PRR11: variants seen among roughly 807,000 people sequenced by gnomAD.
PRR11 encodes the protein proline-rich protein 11.
Under a neutral mutation model 45.6 loss-of-function variants are expected in PRR11, and 30 were observed. The observed-to-expected ratio is 0.66, with a 90% CI of 0.49 to 0.89. The LOEUF is 0.89. PRR11 is among the 40% of genes least tolerant of loss of function. The pLI is 0.00. For missense variants in PRR11, 373 were observed against 424.8 expected (o/e 0.88, Z 1.07); for synonymous variants, 128 against 153.5 (o/e 0.83, Z 1.23).
At chr17:59,199,957 C>T (rs4968331) in intron 9 of PRR11, among the ~76,000 whole-genome samples, 1 of 152,098 alleles carries the variant, frequency 6.6e-6, no homozygotes, top group Admixed American at 6.6e-5. Flanking sequence ...CGAGGCCTCA[C>T]GGGTCTTAGC....
At chr17:59,157,322 T>G (rs531999824) in intron 1 of PRR11, among the ~76,000 whole-genome samples, 19 of 152,224 alleles carry the variant, frequency 1.2e-4, no homozygotes, top group Admixed American at 1.2e-3. Context: ...AAGCAAAAAT[T>G]ACAATGAAAT....
chr17:59,169,616 A>C (rs1354293612), intron 1 of PRR11, 132 bp from the exon 2 acceptor site: 2 of 818,262 alleles, frequency 2.4e-6, no homozygotes, highest in East Asian at 5.6e-5. Context: ...GTAGTGACCT[A>C]TTTCTTAACC....
intron 4 of PRR11, among the ~76,000 whole-genome samples, chr17:59,190,900 G>A (rs2046837609): frequency 6.6e-6 from 1 of 152,192 alleles, no homozygotes; most frequent in African/African-American, 2.4e-5. Flanking sequence ...GGAAACCCAG[G>A]TGCTTTTATA....
In PRR11 at chr17:59,186,381, ATTTTTTTTT is replaced by A. The variant is rs59082405; in HGVS notation, c.402+844_402+852del. On this transcript the variant is annotated intron_variant, in intron 4 of 9. Transcript: ENST00000262293. ...AAAAAAATTTTGCCAGCTGTTTGTAATTTTTTTTTTTTTTTTTTTTTTTTTTTTTTTTTA... is the reference window on the plus strand; with the variant it reads ...AAAAAAATTTTGCCAGCTGTTTGTAATTTTTTTTTTTTTTTTTTTTTTTTA... 2.1e-4 allele frequency among the ~76,000 whole-genome samples: 18 copies of A among 84,666 alleles called. 2 individuals are homozygous for A. Among genetic ancestry groups the A allele is most frequent in the African/African-American group, 7.7e-4 (18 of 23,462 alleles). 55.5% of individuals were successfully genotyped at this position (84,666 alleles called of 152,430 possible).
At chr17:59,183,188 C>T (rs944863940) in intron 2 of PRR11, among the ~76,000 whole-genome samples, 1 of 152,144 alleles carries the variant, frequency 6.6e-6, no homozygotes, top group African/African-American at 2.4e-5. Flanking sequence ...GCCACTGTCC[C>T]AACCTCAGAC....
At chr17:59,196,274 C>T (rs1365686949) in intron 7 of PRR11, among the ~76,000 whole-genome samples, 3 of 152,090 alleles carry the variant, frequency 2.0e-5, no homozygotes, top group Non-Finnish European at 1.5e-5. Context: ...TATGATTATA[C>T]ACAGACAGAT....
At position 59,185,037 on chromosome 17, in the gene PRR11, T is replaced by C; in HGVS notation, c.129-17T>C. On this transcript the variant is annotated splice_polypyrimidine_tract_variant and intron_variant, in intron 2 of 9. Transcript: ENST00000262293. ...ACTTAGGGGTTTTTTATTTGTTTCA[T>C]TTTGTTTTTCCTACAGAGTCGGTAT... 6.2e-7 allele frequency: 1 copy of C among 1,609,432 alleles called. No homozygotes were observed. Among genetic ancestry groups the C allele is most frequent in the Non-Finnish European group, 8.5e-7 (1 of 1,177,200 alleles).
intron 2 of PRR11, among the ~76,000 whole-genome samples, chr17:59,173,190 G>T (rs1315430350): frequency 6.6e-6 from 1 of 152,172 alleles, no homozygotes; most frequent in Non-Finnish European, 1.5e-5. Context: ...CTCAGGGATT[G>T]TAAAGGCACC....
intron 7 of PRR11, among the ~76,000 whole-genome samples, chr17:59,196,629 G>A (rs1208328687): frequency 1.3e-5 from 2 of 151,980 alleles, no homozygotes; most frequent in South Asian, 2.1e-4. Flanking sequence ...CACCCCCCTC[G>A]GCCTCCTAAA....
chr17:59,198,820 G>C (rs1441794303), intron 9 of PRR11, among the ~76,000 whole-genome samples: 1 of 152,070 alleles, frequency 6.6e-6, no homozygotes. Flanking sequence ...CTGGGTGACG[G>C]AGTGAGACCC....
rs551686771 is a variant in PRR11 at position 59,177,149 on chromosome 17, G to C, written c.128+7269G>C. 76 of 551,048 alleles carry C rather than the reference G, an allele frequency of 1.4e-4. 1 individual carries two copies. In the East Asian group the frequency reaches 3.7e-3, roughly 27 times the overall value. The allele number at this position is 551,048 out of a possible 1,614,324, so 34.1% of individuals were successfully genotyped here. A position where few individuals can be genotyped will look rare whatever the true frequency, so the allele number is the denominator to read the frequency against. Reference sequence around the variant, plus strand: ...CCAGGGTATTGGATATTGACAGATAGGAGGAAGCAAACCACTCACAGAGCC... The same window carrying C: ...CCAGGGTATTGGATATTGACAGATACGAGGAAGCAAACCACTCACAGAGCC... On this transcript the variant is annotated intron_variant, in intron 2 of 9. Coordinates refer to ENST00000262293, the MANE Select transcript of PRR11 (RefSeq NM_018304.4).
At chr17:59,184,850 GTTTTTTTT>G (rs5821252) in intron 2 of PRR11, among the ~76,000 whole-genome samples, 196 bp from the exon 3 acceptor site, 9 of 72,706 alleles carry the variant, frequency 1.2e-4, no homozygotes, top group South Asian at 5.6e-4. Context: ...GCCTGATTAA[GTTTTTTTT>G]TTTTTTTTTT....
At chr17:59,179,857 G>T in intron 2 of PRR11, 1 of 1,343,854 alleles carries the variant, frequency 7.4e-7, no homozygotes, top group Non-Finnish European at 1.0e-6. Flanking sequence ...ACCCACACAG[G>T]GGGCTGGGAT....
At chr17:59,178,462 A>T (rs1193067911) in intron 2 of PRR11, 3 of 514,752 alleles carry the variant, frequency 5.8e-6, no homozygotes, top group Non-Finnish European at 1.2e-5. Context: ...TTCCGTGGAG[A>T]ACAAACTTAC....
chr17:59,194,941 AG>A (rs2147854837), intron 6 of PRR11, 86 bp downstream of exon 6: 1 of 1,070,100 alleles, frequency 9.3e-7, no homozygotes, highest in Non-Finnish European at 1.4e-6. Flanking sequence ...TGGGAGACCA[AG>A]GTGGGAGGAT....
intron 2 of PRR11, among the ~76,000 whole-genome samples, chr17:59,180,628 C>G (rs934054279): frequency 6.6e-6 from 1 of 150,744 alleles, no homozygotes; most frequent in Non-Finnish European, 1.5e-5. Flanking sequence ...GTCTCAGCCT[C>G]CCAAGTAGCT....
At chr17:59,200,461 T>G (rs1471764908) in intron 9 of PRR11, among the ~76,000 whole-genome samples, 2 of 152,152 alleles carry the variant, frequency 1.3e-5, no homozygotes, top group East Asian at 1.9e-4. Flanking sequence ...GACTTTTTTT[T>G]TTAATATATA....
At chr17:59,198,645 G>A (rs909241156) in intron 9 of PRR11, among the ~76,000 whole-genome samples, 3 of 151,874 alleles carry the variant, frequency 2.0e-5, no homozygotes, top group Non-Finnish European at 4.4e-5. Flanking sequence ...CTGAACTCCA[G>A]CCTGGGTGAC....
intron 2 of PRR11, among the ~76,000 whole-genome samples, chr17:59,171,405 G>A (rs993112404): frequency 1.2e-4 from 19 of 152,134 alleles, no homozygotes; most frequent in African/African-American, 4.1e-4. Context: ...GTAGCTATAA[G>A]TGTAATACAT....
Sources: gnomAD v4.1 joint callset for allele counts (sites outside exome capture counted in the v4.1 genomes callset) on GRCh38, gnomAD v4.1.1 for gene constraint, MANE v1.5 for transcripts, NCBI Gene and HGNC (gene_info 2026-07-23, HGNC 2026-07-21) for gene names.